The following LARGE1 variants were observed in gnomAD, a reference collection of about 807,000 sequenced individuals.
The protein encoded by LARGE1 is xylosyl- and glucuronyltransferase LARGE1.
A neutral mutation model predicts 87.6 loss-of-function variants in LARGE1; 43 were observed. The observed-to-expected ratio is 0.49, with a 90% CI of 0.38 to 0.63. The LOEUF (loss-of-function observed/expected upper bound fraction) is 0.63. Among genes scored for constraint, LARGE1 ranks in the 30% least tolerant of loss-of-function variants. The pLI, the probability that LARGE1 is intolerant of heterozygous loss-of-function variation, is 0.00. For synonymous variants in LARGE1, 434 were observed against 394.6 expected (o/e 1.10, Z -1.18); for missense variants, 802 against 1,000.2 (o/e 0.80, Z 2.67).
intron 11 of LARGE1, among the ~76,000 whole-genome samples, chr22:33,229,523 A>G (rs1289033864): frequency 6.6e-6 from 1 of 152,166 alleles, no homozygotes; most frequent in Non-Finnish European, 1.5e-5. Context: ...TGGTAGATGT[A>G]AATAGATTAG....
chr22:33,403,519 T>C (rs1351362203), intron 7 of LARGE1, among the ~76,000 whole-genome samples: 4 of 152,218 alleles, frequency 2.6e-5, no homozygotes, highest in African/African-American at 9.6e-5. Flanking sequence ...TTCTGCAGTG[T>C]TGTAAACACT....
At chr22:33,396,463 C>CAGAGAGAG (rs3071529) in intron 7 of LARGE1, among the ~76,000 whole-genome samples, 6,860 of 104,622 alleles carry the variant, frequency 0.066, 372 homozygotes, top group South Asian at 0.13. Context: ...GAGAGAGTGA[C>CAGAGAGAG]AGAGAGAGAG....
chr22:33,372,890 C>G (rs1293080174), intron 9 of LARGE1, among the ~76,000 whole-genome samples: 1 of 151,968 alleles, frequency 6.6e-6, no homozygotes. Context: ...GACAGGAATC[C>G]ATAAGTAGGA....
intron 1 of LARGE1, among the ~76,000 whole-genome samples, chr22:33,787,462 T>C (rs974550792): frequency 2.6e-5 from 4 of 152,200 alleles, no homozygotes; most frequent in East Asian, 1.9e-4. Flanking sequence ...ACACCTGATA[T>C]AAAATAATAT....
chr22:33,807,537 A>G (rs2086351396), intron 1 of LARGE1, among the ~76,000 whole-genome samples: 3 of 152,156 alleles, frequency 2.0e-5, no homozygotes, highest in Non-Finnish European at 1.5e-5. Flanking sequence ...ATTATCGCCT[A>G]AAGTCCACTG....
At chr22:33,528,639 C>G (rs2072034047) in intron 6 of LARGE1, among the ~76,000 whole-genome samples, 1 of 152,158 alleles carries the variant, frequency 6.6e-6, no homozygotes, top group South Asian at 2.1e-4. Flanking sequence ...AAAGGAGGGG[C>G]AGCATCAGCA....
At chr22:33,370,692 A>G (rs1416982233) in intron 9 of LARGE1, among the ~76,000 whole-genome samples, 2 of 151,742 alleles carry the variant, frequency 1.3e-5, no homozygotes, top group Non-Finnish European at 2.9e-5. Flanking sequence ...TATGTTATAT[A>G]ATATGTTATG....
chr22:33,632,410 C>T (rs1192243057), intron 3 of LARGE1, among the ~76,000 whole-genome samples: 1 of 152,186 alleles, frequency 6.6e-6, no homozygotes, highest in Non-Finnish European at 1.5e-5. Context: ...AGGCATGAGC[C>T]ACCGTGCCTG....
intron 6 of LARGE1, among the ~76,000 whole-genome samples, chr22:33,538,923 G>T (rs1234037909): frequency 2.0e-5 from 3 of 152,162 alleles, no homozygotes; most frequent in Non-Finnish European, 4.4e-5. Flanking sequence ...TGAAACTAGG[G>T]TTTGTAACAC....
chr22:33,616,333 C>T (rs367880094), intron 4 of LARGE1, among the ~76,000 whole-genome samples: 104 of 151,870 alleles, frequency 6.8e-4, no homozygotes, highest in African/African-American at 2.4e-3. Flanking sequence ...ATGGCGAAAC[C>T]CTGTCTCTCC....
At chr22:33,336,111 T>C (rs1158694425) in intron 10 of LARGE1, among the ~76,000 whole-genome samples, 1 of 152,222 alleles carries the variant, frequency 6.6e-6, no homozygotes, top group East Asian at 1.9e-4. Flanking sequence ...AGTGCAAATA[T>C]TGACTATGCA....
intron 4 of LARGE1, among the ~76,000 whole-genome samples, chr22:33,615,038 T>C (rs2079543597): frequency 6.6e-6 from 1 of 152,222 alleles, no homozygotes; most frequent in South Asian, 2.1e-4. Context: ...GAGGAGGCCA[T>C]TCCACGGTGT....
At chr22:33,104,919 C>CT in the LARGE1 span, among the ~76,000 whole-genome samples, 1 of 102,524 alleles carries the variant, frequency 9.8e-6, no homozygotes, top group African/African-American at 3.1e-5. Context: ...TTCTTTCTTT[C>CT]TTTCTTTCTT....
chr22:33,676,611 TCAACAATAATAAA>T (rs1391915066), intron 2 of LARGE1, among the ~76,000 whole-genome samples: 1 of 149,382 alleles, frequency 6.7e-6, no homozygotes, highest in East Asian at 2.0e-4. Context: ...AATAAGAAAA[TCAACAATAATAAA>T]CAACATGTAT....
At chr22:33,533,055 T>C (rs1305185683) in intron 6 of LARGE1, among the ~76,000 whole-genome samples, 1 of 152,114 alleles carries the variant, frequency 6.6e-6, no homozygotes, top group African/African-American at 2.4e-5. Context: ...ACATCAAGTA[T>C]ATGCATGTCT....
intron 5 of LARGE1, among the ~76,000 whole-genome samples, chr22:33,567,963 A>C (rs2078077765): frequency 6.6e-6 from 1 of 152,182 alleles, no homozygotes; most frequent in South Asian, 2.1e-4. Context: ...GTGTGGGTGG[A>C]AACAGCACAC....
At chr22:33,840,635 A>T (rs1176424437) in intron 1 of LARGE1, among the ~76,000 whole-genome samples, 1 of 151,826 alleles carries the variant, frequency 6.6e-6, no homozygotes, top group Admixed American at 6.6e-5. Context: ...GTAAGTACAG[A>T]CAGTCCCCGA....
intron 11 of LARGE1, among the ~76,000 whole-genome samples, chr22:33,201,929 A>G (rs1053317571): frequency 1.3e-5 from 2 of 152,032 alleles, no homozygotes; most frequent in African/African-American, 2.4e-5. Context: ...CGAGGTCAGG[A>G]GATCGAGACC....
At chr22:33,577,187 T>A (rs973481274) in intron 5 of LARGE1, among the ~76,000 whole-genome samples, 1 of 152,026 alleles carries the variant, frequency 6.6e-6, no homozygotes, top group Non-Finnish European at 1.5e-5. Flanking sequence ...CAAAAAAAAA[T>A]AAGATATTCC....
Sources: allele counts gnomAD v4.1 joint callset (sites outside exome capture counted in the v4.1 genomes callset), GRCh38; gene constraint gnomAD v4.1.1; transcripts MANE v1.5; gene names NCBI Gene and HGNC (gene_info 2026-07-23, HGNC 2026-07-21).